The following USP34 variants were observed in gnomAD, a reference collection of about 807,000 sequenced individuals.
The protein encoded by USP34 is ubiquitin carboxyl-terminal hydrolase 34.
A neutral mutation model predicts 460.3 loss-of-function variants in USP34; 70 were observed. The observed-to-expected ratio is 0.15, with a 90% CI of 0.13 to 0.19. The LOEUF is 0.19. Ranked by LOEUF, USP34 falls within the 10% of genes least tolerant of loss-of-function variation. The pLI is 1.00. For synonymous variants in USP34, 1,647 were observed against 1,405.3 expected (o/e 1.17, Z -3.85); for missense variants, 3,985 against 4,236.2 (o/e 0.94, Z 1.65).
intron 1 of USP34, among the ~76,000 whole-genome samples, chr2:61,442,732 T>C (rs568090837): frequency 6.6e-6 from 1 of 152,248 alleles, no homozygotes; most frequent in East Asian, 1.9e-4. Flanking sequence ...ACGACTACCA[T>C]ATAATCCAGC....
chr2:61,392,320 A>G (rs1693373586), intron 5 of USP34, among the ~76,000 whole-genome samples: 1 of 152,160 alleles, frequency 6.6e-6, no homozygotes, highest in Non-Finnish European at 1.5e-5. Context: ...TCTCAAAAAC[A>G]AAAACAAAAC....
chr2:61,404,771 A>C (rs1469660072), intron 3 of USP34, among the ~76,000 whole-genome samples: 1 of 152,056 alleles, frequency 6.6e-6, no homozygotes, highest in East Asian at 1.9e-4. Context: ...ATAATAAACC[A>C]CTGTTAAGTC....
In USP34 at chr2:61,187,950, G is replaced by A; in HGVS notation, c.*152C>T. Reference sequence around the variant, plus strand: ...GCAAGTTTTTTTCATCTGGAGTTCTGCCTGACCAAGAATTAAGCCTATAAA... The same window carrying A: ...GCAAGTTTTTTTCATCTGGAGTTCTACCTGACCAAGAATTAAGCCTATAAA... On this transcript the variant is annotated 3_prime_UTR_variant, in exon 80 of 80. Coordinates refer to ENST00000398571, the MANE Select transcript of USP34 (RefSeq NM_014709.4). 1 of 1,435,750 alleles carries A rather than the reference G, an allele frequency of 7.0e-7. No homozygotes were observed. Among genetic ancestry groups the A allele is most frequent in the Non-Finnish European group, 9.1e-7 (1 of 1,093,268 alleles). 88.9% of individuals were successfully genotyped at this position (1,435,750 alleles called of 1,614,324 possible).
chr2:61,257,666 A>C (rs1688754970), intron 44 of USP34, among the ~76,000 whole-genome samples: 1 of 151,684 alleles, frequency 6.6e-6, no homozygotes, highest in Non-Finnish European at 1.5e-5. Flanking sequence ...TGGGAGGCCG[A>C]AGCAGGCGGA....
chr2:61,355,625 C>T (rs962991357), intron 10 of USP34, among the ~76,000 whole-genome samples: 22 of 151,836 alleles, frequency 1.4e-4, no homozygotes, highest in African/African-American at 5.1e-4. Flanking sequence ...ACAACAACAA[C>T]AACAACAACA....
intron 1 of USP34, among the ~76,000 whole-genome samples, chr2:61,460,204 T>C (rs912854412): frequency 6.6e-6 from 1 of 152,252 alleles, no homozygotes; most frequent in African/African-American, 2.4e-5. Flanking sequence ...ACAGTCACTA[T>C]GGTCCAAAAA....
intron 16 of USP34, 97 bp from the exon 17 acceptor site, chr2:61,339,778 T>C (rs371875704): frequency 7.2e-6 from 4 of 554,562 alleles, no homozygotes; most frequent in African/African-American, 2.0e-5. Context: ...AAGTACACGA[T>C]ATTTTTCTCA....
intron 5 of USP34, among the ~76,000 whole-genome samples, chr2:61,393,465 C>A (rs114504267): frequency 0.018 from 2,652 of 149,334 alleles, 42 homozygotes; most frequent in Non-Finnish European, 0.028. Context: ...TATTAACCTA[C>A]ATGCTACACT....
intron 1 of USP34, among the ~76,000 whole-genome samples, chr2:61,470,162 A>G (rs1401606140): frequency 6.6e-5 from 10 of 152,162 alleles, no homozygotes; most frequent in African/African-American, 2.4e-4. Context: ...CCCGCAAGGG[A>G]GGGAAAAACC....
At chr2:61,292,403 A>G (rs1689884977) in intron 33 of USP34, among the ~76,000 whole-genome samples, 1 of 152,206 alleles carries the variant, frequency 6.6e-6, no homozygotes, top group Non-Finnish European at 1.5e-5. Flanking sequence ...TAAGCCACAT[A>G]TTGGCAATAA....
At chr2:61,235,223 C>A (rs1688031360) in intron 57 of USP34, among the ~76,000 whole-genome samples, 1 of 151,812 alleles carries the variant, frequency 6.6e-6, no homozygotes, top group African/African-American at 2.4e-5. Context: ...AAATTTTTGT[C>A]ATTTATACCT....
At chr2:61,410,701 T>C (rs1694011220) in intron 2 of USP34, among the ~76,000 whole-genome samples, 1 of 152,102 alleles carries the variant, frequency 6.6e-6, no homozygotes, top group Non-Finnish European at 1.5e-5. Context: ...ACTACAAATA[T>C]ACTAAAGAAC....
At chr2:61,396,523 C>T (rs1208165802) in intron 3 of USP34, among the ~76,000 whole-genome samples, 1 of 149,490 alleles carries the variant, frequency 6.7e-6, no homozygotes, top group Non-Finnish European at 1.5e-5. Context: ...GAGTCTCGCA[C>T]TGTCGCTCAG....
At chr2:61,269,929 C>A (rs1348946140) in intron 41 of USP34, among the ~76,000 whole-genome samples, 1 of 151,936 alleles carries the variant, frequency 6.6e-6, no homozygotes. Flanking sequence ...ATTTCAAATC[C>A]TCCCTTTTAG....
chr2:61,301,176 A>G lies in USP34; in HGVS notation c.3919-16T>C. 2 of 1,580,102 alleles carry G rather than the reference A, an allele frequency of 1.3e-6. No individual in the cohort carries two copies. Among genetic ancestry groups the G allele is most frequent in the Non-Finnish European group, 8.6e-7 (1 of 1,167,596 alleles). The stretch of plus-strand genomic sequence containing the variant: ...CAAATACCATCTATAAAAAACAGGA[A>G]AAAAAATTTATGCATATCAAGCTTT... On this transcript the variant is annotated splice_polypyrimidine_tract_variant and intron_variant, in intron 28 of 79. Coordinates refer to ENST00000398571, the MANE Select transcript of USP34 (RefSeq NM_014709.4).
chr2:61,377,611 G>A (rs1446076673), intron 8 of USP34, among the ~76,000 whole-genome samples: 2 of 151,886 alleles, frequency 1.3e-5, no homozygotes, highest in Non-Finnish European at 2.9e-5. Flanking sequence ...AAAAGAAAAT[G>A]GCCATCTACA....
intron 8 of USP34, among the ~76,000 whole-genome samples, chr2:61,375,552 G>T (rs542442382): frequency 6.6e-6 from 1 of 151,984 alleles, no homozygotes; most frequent in Non-Finnish European, 1.5e-5. Flanking sequence ...GGCGGATCAC[G>T]AGGTCAGGAG....
At chr2:61,195,341 G>A (rs951879628) in intron 75 of USP34, among the ~76,000 whole-genome samples, 12 of 147,588 alleles carry the variant, frequency 8.1e-5, no homozygotes, top group African/African-American at 2.3e-4. Flanking sequence ...CATCATATCC[G>A]GCTGGCTTTT....
chr2:61,325,708 A>T (rs983246087), intron 20 of USP34, among the ~76,000 whole-genome samples: 1 of 152,168 alleles, frequency 6.6e-6, no homozygotes, highest in Non-Finnish European at 1.5e-5. Flanking sequence ...AGCACACAAA[A>T]ATTCAACAGT....
Sources: gnomAD v4.1 joint callset for allele counts (sites outside exome capture counted in the v4.1 genomes callset) on GRCh38, gnomAD v4.1.1 for gene constraint, MANE v1.5 for transcripts, NCBI Gene and HGNC (gene_info 2026-07-23, HGNC 2026-07-21) for gene names.